The following ZNF658 variants were observed in gnomAD, a reference collection of about 807,000 sequenced individuals.
The protein encoded by ZNF658 is zinc finger protein 658.
ZNF658 carries 46 observed loss-of-function variants against 78.0 expected under a neutral mutation model. That is an observed-to-expected ratio of 0.59 (90% CI 0.47 to 0.75). The LOEUF is 0.75. ZNF658 is among the 30% of genes least tolerant of loss of function. The probability of loss-of-function intolerance (pLI) is 0.00; values close to 1 mark genes in which losing one functional copy is unlikely to be tolerated. For synonymous variants in ZNF658, 279 were observed against 408.4 expected, an observed-to-expected ratio of 0.68 and a Z score of 3.82; for missense variants, 785 against 1,189.3, an observed-to-expected ratio of 0.66 and a Z score of 5.00.
intron 4 of ZNF658, among the ~76,000 whole-genome samples, chr9:66,910,673 G>A (rs1322188582): frequency 6.6e-6 from 1 of 152,014 alleles, no homozygotes; most frequent in Non-Finnish European, 1.5e-5. Flanking sequence ...CCAGGCACCT[G>A]TAGTCTCAGC....
chr9:66,904,842 T>A (rs1458990832), intron 2 of ZNF658, among the ~76,000 whole-genome samples: 1 of 152,130 alleles, frequency 6.6e-6, no homozygotes, highest in East Asian at 1.9e-4. Context: ...CCAGTTTCTC[T>A]ATTTTTCCTG....
At chr9:66,914,618 T>C (rs528791669) in intron 4 of ZNF658, among the ~76,000 whole-genome samples, 1 of 152,086 alleles carries the variant, frequency 6.6e-6, no homozygotes, top group African/African-American at 2.4e-5. Flanking sequence ...AATAAATGGA[T>C]TTTGAATTTT....
chr9:66,926,453 G>T (rs970761200), intron 6 of ZNF658, among the ~76,000 whole-genome samples: 1 of 151,658 alleles, frequency 6.6e-6, no homozygotes, highest in Non-Finnish European at 1.5e-5. Flanking sequence ...AAGAAAATTA[G>T]GAAACCAATC....
At position 66,920,082 on chromosome 9, in the gene ZNF658, C is replaced by A; in HGVS notation, c.2516C>A (p.Thr839Lys). 1 of 1,613,116 alleles carries A rather than the reference C, an allele frequency of 6.2e-7. No homozygotes were observed. The highest frequency in any genetic ancestry group is 8.5e-7 in the Non-Finnish European group (1 of 1,179,890). ...NQCGKTFSQR[T>K]HLCAHQRIHT... ...TGTGGGAAAACTTTCTCCCAAAGAA[C>A]ACACCTCTGTGCACATCAGAGAATT... is the stretch of plus-strand genomic sequence containing the variant. The change falls in exon 5 of 5, where the codon ACA (threonine) becomes AAA (lysine). Residue 839 changes from threonine to lysine, a missense_variant. This residue lies in a region of ZNF658 where 58 missense variants were observed against 63.0 expected (regional missense o/e 0.92). Transcript: ENST00000621410.
intron 6 of ZNF658, among the ~76,000 whole-genome samples, chr9:66,929,040 T>G (rs1822613890): frequency 6.6e-6 from 1 of 151,978 alleles, no homozygotes; most frequent in Non-Finnish European, 1.5e-5. Context: ...TTCCAGGGCC[T>G]CAGACAGAGA....
chr9:66,921,080 C>A lies in ZNF658; in HGVS notation c.*334C>A, dbSNP rs1432578818. On this transcript the variant is annotated 3_prime_UTR_variant, in exon 5 of 5. Transcript: ENST00000621410. ...AGGAAGCTAGAGTCTGAAAAACGAA[C>A]AATTCACTTCCAGGTCTTCATCAGG... 7.3e-6 allele frequency: 2 copies of A among 275,180 alleles called. No homozygotes were observed. Among genetic ancestry groups the A allele is most frequent in the Non-Finnish European group, 1.4e-5 (2 of 145,180 alleles). The allele number at this position is 275,180 out of a possible 1,614,324, so 17.0% of individuals were successfully genotyped here. A position where few individuals can be genotyped will look rare whatever the true frequency, so the allele number is the denominator to read the frequency against.
At chr9:66,905,968 A>G (rs1428086927) in intron 2 of ZNF658, among the ~76,000 whole-genome samples, 2 of 150,158 alleles carry the variant, frequency 1.3e-5, no homozygotes, top group South Asian at 4.2e-4. Context: ...TTTTTTGTTG[A>G]AAACTATACA....
intron 2 of ZNF658, among the ~76,000 whole-genome samples, chr9:66,905,867 T>C (rs1434389487): frequency 6.9e-6 from 1 of 144,874 alleles, no homozygotes; most frequent in East Asian, 2.0e-4. Flanking sequence ...TCTGTTTAAG[T>C]CCAATGCCTG....
rs1211638320 is a variant in ZNF658, at chr9:66,918,734, A to G, written c.1168A>G (p.Arg390Gly). 6.8e-6 allele frequency: 11 copies of G among 1,613,878 alleles called. No homozygotes were observed. The highest frequency in any genetic ancestry group is 2.2e-5 in the East Asian group (1 of 44,894). The change falls in exon 5 of 5, where the codon AGA becomes GGA. Residue 390 changes from arginine (R) to glycine (G), a missense_variant. Arg to Gly is a moderately radical substitution (Grantham distance 125). This residue lies in a region of ZNF658 where 393 missense variants were observed against 400.2 expected (regional missense o/e 0.98). Transcript: ENST00000621410. ...CCTTTCTGATGAACATGGGAAATGC[A>G]GAAAATCCTTTTACCGGAAAGCACA... ...FYLSDEHGKC[R>G]KSFYRKAHLI...
chr9:66,921,344 A>T lies in ZNF658; in HGVS notation c.*598A>T, dbSNP rs1188434379. ...GATCAGGAGCCTTCATTAAAACAGA[A>T]ATTTTAGGGAAAACCACAAAAACCT... On this transcript the variant is annotated 3_prime_UTR_variant, in exon 5 of 5. Transcript: ENST00000621410. The T allele has an allele frequency of 6.6e-6, 1 of 152,140 alleles. No individual in the cohort carries two copies. The highest frequency in any genetic ancestry group is 1.5e-5 in the Non-Finnish European group (1 of 68,132). The allele number at this position is 152,140 out of a possible 1,614,324, so 9.4% of individuals were successfully genotyped here. A position where few individuals can be genotyped will look rare whatever the true frequency, so the allele number is the denominator to read the frequency against.
chr9:66,901,851 G>A (rs1030248643), intron 1 of ZNF658, among the ~76,000 whole-genome samples: 1 of 152,156 alleles, frequency 6.6e-6, no homozygotes, highest in East Asian at 1.9e-4. Context: ...GGCTGAGGCA[G>A]GAGAATCGCT....
chr9:66,909,919 G>C (rs1319146196), intron 4 of ZNF658, among the ~76,000 whole-genome samples: 1 of 152,192 alleles, frequency 6.6e-6, no homozygotes, highest in Admixed American at 6.5e-5. Flanking sequence ...TAATAAGTTG[G>C]TTTCTGGTGA....
At chr9:66,914,166 C>T (rs1478983201) in intron 4 of ZNF658, among the ~76,000 whole-genome samples, 3 of 151,190 alleles carry the variant, frequency 2.0e-5, no homozygotes, top group African/African-American at 4.9e-5. Context: ...CACAAAATAT[C>T]CCTACTGATT....
intron 6 of ZNF658, among the ~76,000 whole-genome samples, chr9:66,930,652 A>T (rs1044862410): frequency 7.2e-5 from 11 of 152,146 alleles, no homozygotes; most frequent in African/African-American, 2.4e-4. Flanking sequence ...TACTAAAAAA[A>T]TACAACAGAG....
At position 66,909,018 on chromosome 9, in the gene ZNF658, G is replaced by A. The variant is rs565261072; in HGVS notation, c.238+284G>A. ...TGTACATGGCATTTACATTGTATTA[G>A]GTAGCATAATTAATATGGTGATGAT... On this transcript the variant is annotated intron_variant, in intron 4 of 4. Transcript: ENST00000621410. Among the ~76,000 whole-genome samples, 242 of 152,222 alleles carry A rather than the reference G, an allele frequency of 1.6e-3. 1 individual carries two copies. The highest frequency in any genetic ancestry group is 3.4e-3 in the Middle Eastern group (1 of 294).
chr9:66,931,999 C>T (rs912161180), intron 6 of ZNF658: 1 of 144,586 alleles, frequency 6.9e-6, no homozygotes, highest in Non-Finnish European at 1.5e-5. Flanking sequence ...CCCCGACTTA[C>T]TTTTCTCTCT....
chr9:66,920,105 A>G lies in ZNF658; in HGVS notation c.2539A>G (p.Ile847Val), dbSNP rs1822475121. The G allele has an allele frequency of 6.2e-7, 1 of 1,612,438 alleles. No individual in the cohort carries two copies. Among genetic ancestry groups the G allele is most frequent in the African/African-American group, 1.3e-5 (1 of 74,702 alleles). The change falls in exon 5 of 5, where the codon ATT (isoleucine) becomes GTT (valine). Residue 847 changes from isoleucine (I) to valine (V), a missense_variant. Transcript: ENST00000621410. ...QRTHLCAHQR[I>V]HTGEKPYECN... ...AACACACCTCTGTGCACATCAGAGA[A>G]TTCATACTGGGGAAAAACCCTATGA...
At chr9:66,923,806 G>A (rs1205832705), downstream of ZNF658, among the ~76,000 whole-genome samples, 3 of 147,416 alleles carry the variant, frequency 2.0e-5, no homozygotes, top group African/African-American at 5.0e-5. Context: ...TTCTGTAGAA[G>A]GTAGATTTTC....
At chr9:66,905,006 A>T (rs185733000) in intron 2 of ZNF658, among the ~76,000 whole-genome samples, 1,308 of 107,808 alleles carry the variant, frequency 0.012, 28 homozygotes, top group African/African-American at 0.045. Context: ...TCTTTTTAAC[A>T]CTCTGATTCT....
Sources: gnomAD v4.1 joint callset for allele counts (sites outside exome capture counted in the v4.1 genomes callset) on GRCh38, gnomAD v4.1.1 for gene constraint, gnomAD v4.1.1 regional missense constraint, MANE v1.5 for transcripts, NCBI Gene and HGNC (gene_info 2026-07-23, HGNC 2026-07-21) for gene names.